The following TENM2 variants were observed in gnomAD, a reference collection of about 807,000 sequenced individuals.
TENM2 encodes the protein teneurin-2.
A neutral mutation model predicts 245.2 loss-of-function variants in TENM2; 52 were observed. That is an observed-to-expected ratio of 0.21 (90% CI 0.17 to 0.27). TENM2 has a LOEUF of 0.27. TENM2 is among the 10% of genes least tolerant of loss of function. The pLI, the probability that TENM2 is intolerant of heterozygous loss-of-function variation, is 1.00. For synonymous variants in TENM2, 1,363 were observed against 1,438.9 expected, an observed-to-expected ratio of 0.95 and a Z score of 1.19; for missense variants, 3,046 against 3,666.8, an observed-to-expected ratio of 0.83 and a Z score of 4.37.
the TENM2 span, among the ~76,000 whole-genome samples, chr5:167,047,366 A>G: frequency 1.3e-5 from 2 of 151,956 alleles, no homozygotes; most frequent in Admixed American, 6.6e-5. Flanking sequence ...AACCTCTGGT[A>G]TGTCCTAGAG....
At chr5:168,100,645 A>G (rs1181396942) in intron 9 of TENM2, among the ~76,000 whole-genome samples, 3 of 152,168 alleles carry the variant, frequency 2.0e-5, no homozygotes, top group Non-Finnish European at 4.4e-5. Flanking sequence ...CAGAAAACCA[A>G]ACACTGCATG....
At chr5:167,202,909 T>C in the TENM2 span, among the ~76,000 whole-genome samples, 1 of 152,196 alleles carries the variant, frequency 6.6e-6, no homozygotes, top group Non-Finnish European at 1.5e-5. Flanking sequence ...TCTCAGGTTC[T>C]GATTCCAGAG....
intron 1 of TENM2, among the ~76,000 whole-genome samples, chr5:167,298,109 T>G (rs573754566): frequency 1.2e-4 from 18 of 151,978 alleles, no homozygotes; most frequent in African/African-American, 3.9e-4. Context: ...GGAAAATTTT[T>G]GGGGGTGGGA....
At chr5:167,470,454 C>CTTTTTTTTTTTGTTTTTTTTTTT (rs1766942624) in intron 2 of TENM2, among the ~76,000 whole-genome samples, 1 of 47,394 alleles carries the variant, frequency 2.1e-5, no homozygotes, top group South Asian at 1.2e-3. Flanking sequence ...GCAATGCTTG[C>CTTTTTTTTTTTGTTTTTTTTTTT]TTTTTTTTTT....
chr5:167,627,772 G>A (rs1778605903), intron 2 of TENM2, among the ~76,000 whole-genome samples: 1 of 151,946 alleles, frequency 6.6e-6, no homozygotes, highest in African/African-American at 2.4e-5. Flanking sequence ...GGCCAGGCTG[G>A]GCTCGAACTC....
intron 2 of TENM2, among the ~76,000 whole-genome samples, chr5:167,543,698 A>G (rs1199326881): frequency 6.6e-6 from 1 of 152,192 alleles, no homozygotes; most frequent in Non-Finnish European, 1.5e-5. Context: ...CAGTTTGACC[A>G]TGTGCCCTTT....
At chr5:167,309,802 A>G (rs560070208) in intron 1 of TENM2, 1 of 152,320 alleles carries the variant, frequency 6.6e-6, no homozygotes, top group South Asian at 2.1e-4. Flanking sequence ...CCAATACCAT[A>G]GAGAAATGAC....
chr5:167,747,770 A>G (rs1463416812), intron 2 of TENM2, among the ~76,000 whole-genome samples: 1 of 152,194 alleles, frequency 6.6e-6, no homozygotes, highest in Non-Finnish European at 1.5e-5. Context: ...TATTTCATGA[A>G]TTAGGACACA....
the TENM2 span, among the ~76,000 whole-genome samples, chr5:167,109,359 A>G: frequency 2.0e-5 from 3 of 152,060 alleles, no homozygotes; most frequent in Non-Finnish European, 4.4e-5. Context: ...GCTCAGCTTA[A>G]AAGATTTCTG....
At chr5:168,034,787 AAAAT>A (rs1183396952) in intron 5 of TENM2, among the ~76,000 whole-genome samples, 8 of 152,048 alleles carry the variant, frequency 5.3e-5, no homozygotes, top group Non-Finnish European at 1.2e-4. Flanking sequence ...AAATAAATAA[AAAAT>A]AAATAAATAG....
At chr5:167,360,215 G>A (rs1384974027) in intron 1 of TENM2, among the ~76,000 whole-genome samples, 4 of 152,196 alleles carry the variant, frequency 2.6e-5, no homozygotes, top group Non-Finnish European at 5.9e-5. Flanking sequence ...AGTACTTACT[G>A]TAGATAAGGC....
the TENM2 span, among the ~76,000 whole-genome samples, chr5:167,107,211 G>A: frequency 1.3e-5 from 2 of 151,750 alleles, no homozygotes; most frequent in East Asian, 1.9e-4. Flanking sequence ...GCAGTGAGCC[G>A]AGACTGCGCC....
the TENM2 span, among the ~76,000 whole-genome samples, chr5:167,138,013 T>A: frequency 6.6e-6 from 1 of 152,194 alleles, no homozygotes; most frequent in Non-Finnish European, 1.5e-5. Flanking sequence ...AATATTTATA[T>A]TACCAATTCT....
chr5:167,170,961 G>T, the TENM2 span, among the ~76,000 whole-genome samples: 2 of 152,268 alleles, frequency 1.3e-5, no homozygotes, highest in Non-Finnish European at 2.9e-5. Flanking sequence ...ATTCTCCTCT[G>T]GTTTCTCCTT....
intron 2 of TENM2, among the ~76,000 whole-genome samples, chr5:167,680,785 T>C (rs965722282): frequency 7.9e-5 from 12 of 152,200 alleles, no homozygotes; most frequent in African/African-American, 2.2e-4. Context: ...CAAATTACAA[T>C]TGTTTATTTT....
rs1776199151 is a variant in TENM2, at chr5:167,907,547, A to ATATATATATG, written c.712+31361_712+31362insGTATATATAT. ...TAAATATATATATATATATATATAT[A>ATATATATATG]TATATATATATATATATATATATAT... On this transcript the variant is annotated intron_variant, in intron 3 of 28. Coordinates refer to ENST00000518659, the Ensembl canonical transcript of TENM2. Among the ~76,000 whole-genome samples, 5 of 91,194 alleles carry ATATATATATG rather than the reference A, an allele frequency of 5.5e-5. No homozygotes were observed. The East Asian group carries it at 1.5e-3, about 27-fold the overall frequency. The allele number at this position is 91,194 out of a possible 152,430, so 59.8% of individuals were successfully genotyped here. A position where few individuals can be genotyped will look rare whatever the true frequency, so the allele number is the denominator to read the frequency against.
chr5:167,149,389 A>C, the TENM2 span, among the ~76,000 whole-genome samples: 14 of 152,162 alleles, frequency 9.2e-5, no homozygotes, highest in Non-Finnish European at 1.9e-4. Context: ...CACATTAACA[A>C]ATATTAGATA....
chr5:167,119,964 T>G, the TENM2 span, among the ~76,000 whole-genome samples: 1 of 152,056 alleles, frequency 6.6e-6, no homozygotes, highest in Non-Finnish European at 1.5e-5. Context: ...GAATGGGGCT[T>G]GGAGATAGAG....
At chr5:167,962,309 G>A (rs1171160576) in intron 4 of TENM2, among the ~76,000 whole-genome samples, 3 of 151,036 alleles carry the variant, frequency 2.0e-5, no homozygotes, top group Non-Finnish European at 2.9e-5. Flanking sequence ...AAAAAAAAAT[G>A]AGACAACATC....
Sources: allele counts gnomAD v4.1 joint callset (sites outside exome capture counted in the v4.1 genomes callset), GRCh38; gene constraint gnomAD v4.1.1; transcripts MANE v1.5; gene names NCBI Gene and HGNC (gene_info 2026-07-23, HGNC 2026-07-21).